The following FHIT variants were observed in gnomAD, a reference collection of about 807,000 sequenced individuals.
FHIT encodes fragile histidine triad diadenosine triphosphatase.
Under a neutral mutation model 17.9 loss-of-function variants are expected in FHIT, and 19 were observed. The observed-to-expected ratio is 1.06, with a 90% CI of 0.74 to 1.56. The LOEUF (loss-of-function observed/expected upper bound fraction) is 1.56. FHIT is among the 40% of genes most tolerant of loss of function. FHIT has a pLI of 0.00. For synonymous variants in FHIT, 81 were observed against 69.7 expected (o/e 1.16, Z -0.81); for missense variants, 248 against 189.2 (o/e 1.31, Z -1.82).
intron 8 of FHIT, among the ~76,000 whole-genome samples, chr3:59,872,197 G>A (rs1575619903): frequency 1.3e-5 from 2 of 152,134 alleles, no homozygotes; most frequent in Admixed American, 6.5e-5. Flanking sequence ...AATAGAGAAG[G>A]AGGTTAGGAT....
intron 5 of FHIT, among the ~76,000 whole-genome samples, chr3:60,221,766 C>T (rs1038139099): frequency 2.0e-5 from 3 of 152,072 alleles, no homozygotes; most frequent in Non-Finnish European, 2.9e-5. Flanking sequence ...TGACTGGCTC[C>T]TTCTCCTTCT....
chr3:60,264,047 G>T lies in FHIT; in HGVS notation c.104-249895C>A, dbSNP rs1414953861. ...TTATGTCCTGAGGTGGTTAGCTAAG[G>T]GTACCATCAACAAAGTATGTGGCAT... On this transcript the variant is annotated intron_variant, in intron 5 of 9. Coordinates refer to ENST00000492590, the MANE Select transcript of FHIT (RefSeq NM_002012.4). 1.3e-5 allele frequency among the ~76,000 whole-genome samples: 2 copies of T among 151,602 alleles called. 1 individual carries two copies. Among genetic ancestry groups the T allele is most frequent in the Non-Finnish European group, 2.9e-5 (2 of 67,834 alleles).
rs181093953 is a variant in FHIT, at chr3:60,870,136, C to G, written c.-110-48125G>C. Reference sequence around the variant, plus strand: ...AATTCACCTTGCTGCTCAATTCTGTCACCTACTATTTTCAGCATGTATGAG... The same window carrying G: ...AATTCACCTTGCTGCTCAATTCTGTGACCTACTATTTTCAGCATGTATGAG... On this transcript the variant is annotated intron_variant, in intron 3 of 9. Transcript: ENST00000492590. Among the ~76,000 whole-genome samples, 471 of 152,222 alleles carry G rather than the reference C, an allele frequency of 3.1e-3. 1 individual carries two copies. The highest frequency in any genetic ancestry group is 0.011 in the African/African-American group (450 of 41,532).
chr3:61,080,651 T>A (rs945621151), intron 2 of FHIT, among the ~76,000 whole-genome samples: 3 of 152,162 alleles, frequency 2.0e-5, no homozygotes, highest in Non-Finnish European at 4.4e-5. Context: ...TAGAATTTAG[T>A]ATCAATAGGA....
In FHIT at chr3:60,037,667, C is replaced by G. The variant is rs141662301; in HGVS notation, c.104-23515G>C. On this transcript the variant is annotated intron_variant, in intron 5 of 9. Transcript: ENST00000492590. ...AAAGTGCTGGGATTACAGGCATGAG[C>G]CACTGCACCCGGCCTAAAACCAAGT... 8.3e-3 allele frequency among the ~76,000 whole-genome samples: 1,253 copies of G among 151,570 alleles called. 23 individuals carry two copies. The highest frequency in any genetic ancestry group is 0.027 in the African/African-American group (1,103 of 41,336).
intron 4 of FHIT, among the ~76,000 whole-genome samples, chr3:60,558,306 C>T (rs371159447): frequency 9.9e-5 from 15 of 152,146 alleles, no homozygotes; most frequent in African/African-American, 3.4e-4. Flanking sequence ...CACATGAAAC[C>T]ATTCCATGGC....
intron 5 of FHIT, among the ~76,000 whole-genome samples, chr3:60,180,115 C>T (rs1229610306): frequency 6.6e-6 from 1 of 152,084 alleles, no homozygotes; most frequent in Non-Finnish European, 1.5e-5. Context: ...GGTGTTTAGG[C>T]CACCAAAACA....
chr3:60,749,421 C>A (rs2042423436), intron 4 of FHIT, among the ~76,000 whole-genome samples: 1 of 152,152 alleles, frequency 6.6e-6, no homozygotes, highest in Admixed American at 6.5e-5. Flanking sequence ...TAGCACAACT[C>A]TCCAGCTCCA....
At chr3:60,200,755 G>A (rs1468280623) in intron 5 of FHIT, among the ~76,000 whole-genome samples, 3 of 151,888 alleles carry the variant, frequency 2.0e-5, no homozygotes, top group Non-Finnish European at 4.4e-5. Flanking sequence ...TTATTTTAAT[G>A]CTACACTGCT....
At chr3:60,124,552 G>A (rs944029707) in intron 5 of FHIT, among the ~76,000 whole-genome samples, 3 of 152,106 alleles carry the variant, frequency 2.0e-5, no homozygotes, top group Non-Finnish European at 4.4e-5. Flanking sequence ...ATGGGGAGTA[G>A]TGCTTCCCCT....
intron 3 of FHIT, among the ~76,000 whole-genome samples, chr3:60,920,398 C>A (rs797042179): frequency 1.9e-4 from 29 of 152,128 alleles, no homozygotes; most frequent in African/African-American, 6.7e-4. Context: ...TCAACTATTC[C>A]ATTTCATTGA....
intron 7 of FHIT, among the ~76,000 whole-genome samples, chr3:59,976,652 T>C (rs1275909094): frequency 6.6e-6 from 1 of 152,028 alleles, no homozygotes; most frequent in Non-Finnish European, 1.5e-5. Flanking sequence ...ACCACCACAT[T>C]TGATGCTTGA....
At chr3:60,140,600 C>G (rs1261232224) in intron 5 of FHIT, among the ~76,000 whole-genome samples, 2 of 132,130 alleles carry the variant, frequency 1.5e-5, no homozygotes, top group East Asian at 2.2e-4. Flanking sequence ...TTTTTTGAGA[C>G]AGAGTTTCGC....
intron 4 of FHIT, among the ~76,000 whole-genome samples, chr3:60,762,290 T>C (rs1353511740): frequency 6.6e-6 from 1 of 152,126 alleles, no homozygotes; most frequent in East Asian, 1.9e-4. Flanking sequence ...CAAAAAGATA[T>C]CGGTTGATCA....
At chr3:60,266,212 T>C (rs1450873493) in intron 5 of FHIT, among the ~76,000 whole-genome samples, 1 of 151,986 alleles carries the variant, frequency 6.6e-6, no homozygotes, top group Non-Finnish European at 1.5e-5. Context: ...GGAATATTAT[T>C]AGCAATAAAA....
intron 4 of FHIT, among the ~76,000 whole-genome samples, chr3:60,783,529 T>C (rs1700466100): frequency 6.6e-6 from 1 of 152,234 alleles, no homozygotes; most frequent in African/African-American, 2.4e-5. Context: ...ACTGTAACAG[T>C]GTACTTGTGA....
chr3:60,503,935 TAATA>T (rs947536497), intron 5 of FHIT, among the ~76,000 whole-genome samples: 2 of 152,234 alleles, frequency 1.3e-5, no homozygotes, highest in African/African-American at 4.8e-5. Flanking sequence ...ATTTTATTTA[TAATA>T]AATACATGCA....
At chr3:60,122,129 G>C (rs976662679) in intron 5 of FHIT, among the ~76,000 whole-genome samples, 1 of 151,580 alleles carries the variant, frequency 6.6e-6, no homozygotes, top group Non-Finnish European at 1.5e-5. Flanking sequence ...AACGCCTAGA[G>C]ATAATAAAAG....
intron 5 of FHIT, among the ~76,000 whole-genome samples, chr3:60,479,929 C>A (rs547944201): frequency 6.6e-6 from 1 of 152,202 alleles, no homozygotes; most frequent in East Asian, 1.9e-4. Context: ...GGGCTACTGA[C>A]GTAAAGTACA....
Sources: gnomAD v4.1 joint callset for allele counts (sites outside exome capture counted in the v4.1 genomes callset) on GRCh38, gnomAD v4.1.1 for gene constraint, MANE v1.5 for transcripts, NCBI Gene and HGNC (gene_info 2026-07-23, HGNC 2026-07-21) for gene names.